PFKP: variants seen among roughly 807,000 people sequenced by gnomAD.
PFKP encodes phosphofructokinase, platelet, also known as ATP-dependent 6-phosphofructokinase, platelet type.
PFKP carries 101 observed loss-of-function variants against 94.3 expected under a neutral mutation model. That is an observed-to-expected ratio of 1.07 (90% CI 0.91 to 1.26). The LOEUF (loss-of-function observed/expected upper bound fraction) is 1.26. Ranked by LOEUF, PFKP falls within the 50% of genes most tolerant of loss-of-function variation. The probability of loss-of-function intolerance (pLI) is 0.00; values close to 1 mark genes in which losing one functional copy is unlikely to be tolerated. For synonymous variants in PFKP, 573 were observed against 432.6 expected (o/e 1.32, Z -4.03); for missense variants, 1,145 against 1,103.3 (o/e 1.04, Z -0.53).
intron 13 of PFKP, among the ~76,000 whole-genome samples, chr10:3,115,058 C>T (rs1836649930): frequency 6.6e-6 from 1 of 152,132 alleles, no homozygotes; most frequent in South Asian, 2.1e-4. Flanking sequence ...ATGGGGTTTG[C>T]TTGCTAAGTA....
chr10:3,081,302 G>A (rs1833056304), intron 1 of PFKP, among the ~76,000 whole-genome samples: 1 of 152,234 alleles, frequency 6.6e-6, no homozygotes, highest in South Asian at 2.1e-4. Context: ...CACCGTCCAA[G>A]TGCACATAGC....
intron 10 of PFKP, among the ~76,000 whole-genome samples, chr10:3,111,687 C>T (rs1311110185): frequency 6.6e-6 from 1 of 152,042 alleles, no homozygotes; most frequent in Non-Finnish European, 1.5e-5. Flanking sequence ...AGAACTTGAC[C>T]AAGATCCTGA....
chr10:3,103,652 A>G (rs1054499645), intron 4 of PFKP, 127 bp from the exon 5 acceptor site: 2 of 883,278 alleles, frequency 2.3e-6, no homozygotes, highest in Non-Finnish European at 3.5e-6. Context: ...AAGAAATGAT[A>G]CCAATAACAA....
At position 3,093,638 on chromosome 10, in the gene PFKP, C is replaced by CTTTTTTTTTTTTT. The variant is rs765547765; in HGVS notation, c.187-5626_187-5614dup. On this transcript the variant is annotated intron_variant, in intron 2 of 21. Transcript: ENST00000381125. ...CGATAACCACAGGAACAAGCATTAT[C>CTTTTTTTTTTTTT]TTTTTTTTTTTTTTTTTTTTTTTGA... 3.3e-4 allele frequency among the ~76,000 whole-genome samples: 31 copies of CTTTTTTTTTTTTT among 94,062 alleles called. 1 individual carries two copies. Among genetic ancestry groups the CTTTTTTTTTTTTT allele is most frequent in the African/African-American group, 1.3e-3 (28 of 21,256 alleles). The allele number at this position is 94,062 out of a possible 152,430, so 61.7% of individuals were successfully genotyped here. A position where few individuals can be genotyped will look rare whatever the true frequency, so the allele number is the denominator to read the frequency against.
At chr10:3,115,608 C>CTCAGCTGA (rs1398826606) in intron 13 of PFKP, among the ~76,000 whole-genome samples, 1 of 152,106 alleles carries the variant, frequency 6.6e-6, no homozygotes, top group Admixed American at 6.5e-5. Context: ...GTGTGTGTCC[C>CTCAGCTGA]GTGGCCAAGA....
Position 3,108,744 on chromosome 10 carries a change from T to G in PFKP, c.914T>G (p.Leu305Arg). ...QLGYDTRVTI[L>R]GHVQRGGTPS... ...GGCTATGACACACGTGTGACCATCC[T>G]CGGGCACGTGCAGAGAGGAGGGACC... Residue 305 changes from leucine to arginine, a missense_variant, in exon 9 of 22, where the codon CTC (leucine) becomes CGC (arginine). Leu to Arg is a moderately radical substitution (Grantham distance 102). Transcript: ENST00000381125. 1 of 1,614,022 alleles carries G rather than the reference T, an allele frequency of 6.2e-7. No homozygotes were observed. Among genetic ancestry groups the G allele is most frequent in the African/African-American group, 1.3e-5 (1 of 75,028 alleles).
rs947968946 is a variant in PFKP at position 3,074,932 on chromosome 10, A to T, written c.112+7225A>T. On this transcript the variant is annotated intron_variant, in intron 1 of 21. Coordinates refer to ENST00000381125, the MANE Select transcript of PFKP (RefSeq NM_002627.5). ...AAATCCGTGGTCTCACAGCCTTCAG[A>T]GCCGAGAGCCCAGAACAGAGATTTA... Among the ~76,000 whole-genome samples, 8 of 152,186 alleles carry T rather than the reference A, an allele frequency of 5.3e-5. 1 individual carries two copies. The highest frequency in any genetic ancestry group is 3.9e-4 in the Admixed American group (6 of 15,288).
In PFKP at chr10:3,102,120, G is replaced by C. The variant is rs980504746; in HGVS notation, c.454+566G>C. 1.2e-3 allele frequency among the ~76,000 whole-genome samples: 186 copies of C among 149,374 alleles called. 1 individual carries two copies. Among genetic ancestry groups the C allele is most frequent in the African/African-American group, 4.4e-3 (181 of 41,010 alleles). ...CAAAAAATTAGCCGGGCGTAGTGGC[G>C]GGCGCCTGTAGTCCCAGCTACTTGG... On this transcript the variant is annotated intron_variant, in intron 4 of 21. Transcript: ENST00000381125.
chr10:3,135,929 CAGGGGTTTGAGG>C (rs1442842704), intron 21 of PFKP, 91 bp downstream of exon 21: 26 of 791,770 alleles, frequency 3.3e-5, no homozygotes, highest in Non-Finnish European at 5.2e-5. Flanking sequence ...GCAACTCATT[CAGGGGTTTGAGG>C]AACTGGCTTT....
chr10:3,134,253 T>C (rs1838943517), intron 19 of PFKP, among the ~76,000 whole-genome samples: 1 of 152,236 alleles, frequency 6.6e-6, no homozygotes, highest in Admixed American at 6.5e-5. Flanking sequence ...AGATTGTTAG[T>C]TGACTTGTTC....
In PFKP at chr10:3,073,489, C is replaced by G. The variant is rs913857175; in HGVS notation, c.112+5782C>G. Among the ~76,000 whole-genome samples, 4 of 151,750 alleles carry G rather than the reference C, an allele frequency of 2.6e-5. 1 individual carries two copies. The highest frequency in any genetic ancestry group is 9.7e-5 in the African/African-American group (4 of 41,284). Reference sequence around the variant, plus strand: ...GGTCTGAGTGAGGCTCCGACTCTCACGGGGAGGGCACCGGTGCTGCTGGAC... The same window carrying G: ...GGTCTGAGTGAGGCTCCGACTCTCAGGGGGAGGGCACCGGTGCTGCTGGAC... On this transcript the variant is annotated intron_variant, in intron 1 of 21. Coordinates refer to ENST00000381125, the MANE Select transcript of PFKP (RefSeq NM_002627.5).
At chr10:3,119,148 T>G (rs929545685) in intron 15 of PFKP, among the ~76,000 whole-genome samples, 1 of 152,088 alleles carries the variant, frequency 6.6e-6, no homozygotes, top group Admixed American at 6.5e-5. Flanking sequence ...TTCAGGCCTG[T>G]GGAAGTAATT....
chr10:3,114,531 G>GT, intron 13 of PFKP, among the ~76,000 whole-genome samples: 1 of 152,242 alleles, frequency 6.6e-6, no homozygotes. Flanking sequence ...TGGAGACTGC[G>GT]TTTATAGATG....
At chr10:3,083,420 C>CTTCTTCTCATT (rs1833242076) in intron 2 of PFKP, among the ~76,000 whole-genome samples, 1 of 152,150 alleles carries the variant, frequency 6.6e-6, no homozygotes, top group East Asian at 1.9e-4. Flanking sequence ...TAAAACATAG[C>CTTCTTCTCATT]TTTAAAAATG....
intron 18 of PFKP, 83 bp downstream of exon 18, chr10:3,132,524 T>C: frequency 2.1e-6 from 2 of 973,114 alleles, no homozygotes; most frequent in Non-Finnish European, 3.3e-6. Flanking sequence ...TTGGGCTGGA[T>C]GAGTGGTCAT....
intron 17 of PFKP, among the ~76,000 whole-genome samples, 179 bp downstream of exon 17, chr10:3,130,162 C>T (rs41288733): frequency 1.1e-4 from 16 of 152,336 alleles, no homozygotes; most frequent in South Asian, 6.2e-4. Context: ...TGTCAGGTGA[C>T]GGTGGGTGTG....
chr10:3,099,041 C>G (rs1362569441), intron 2 of PFKP, among the ~76,000 whole-genome samples: 1 of 152,180 alleles, frequency 6.6e-6, no homozygotes, highest in Non-Finnish European at 1.5e-5. Context: ...CTTGATTCCT[C>G]ATTGCACTGT....
At chr10:3,092,378 A>AG (rs1834113597) in intron 2 of PFKP, among the ~76,000 whole-genome samples, 1 of 152,158 alleles carries the variant, frequency 6.6e-6, no homozygotes, top group Non-Finnish European at 1.5e-5. Flanking sequence ...GAGGCTGGGA[A>AG]GGGGGTGTGG....
intron 17 of PFKP, among the ~76,000 whole-genome samples, 200 bp downstream of exon 17, chr10:3,130,183 G>A (rs1436611024): frequency 6.6e-6 from 1 of 152,114 alleles, no homozygotes; most frequent in Non-Finnish European, 1.5e-5. Context: ...CCTGGTTGAG[G>A]ACACCTTCTA....
Sources: allele counts gnomAD v4.1 joint callset (sites outside exome capture counted in the v4.1 genomes callset), GRCh38; gene constraint gnomAD v4.1.1; transcripts MANE v1.5; gene names NCBI Gene and HGNC (gene_info 2026-07-23, HGNC 2026-07-21).